Variants in PARVB observed in about 807,000 individuals in gnomAD.
PARVB encodes the protein beta-parvin.
PARVB carries 46 observed loss-of-function variants against 47.0 expected under a neutral mutation model. That is an observed-to-expected ratio of 0.98 (90% confidence interval 0.77 to 1.25). The LOEUF (loss-of-function observed/expected upper bound fraction) is 1.25. PARVB is among the 50% of genes most tolerant of loss of function. The pLI, the probability that PARVB is intolerant of heterozygous loss-of-function variation, is 0.00. For synonymous variants in PARVB, 196 were observed against 196.3 expected, an observed-to-expected ratio of 1.00 and a Z score of 0.01; for missense variants, 473 against 471.6, an observed-to-expected ratio of 1.00 and a Z score of -0.03.
intron 8 of PARVB, 157 bp downstream of exon 8, chr22:44,140,300 C>T: frequency 1.3e-6 from 1 of 776,920 alleles, no homozygotes. Context: ...CACAGCCCAC[C>T]CCCACCTTTC....
At chr22:44,031,822 C>G (rs563398393) in intron 1 of PARVB, among the ~76,000 whole-genome samples, 2 of 152,100 alleles carry the variant, frequency 1.3e-5, no homozygotes, top group Non-Finnish European at 2.9e-5. Context: ...TTAAGTGCTC[C>G]GTTGGATTGA....
chr22:44,156,184 T>G (rs1346259587), intron 10 of PARVB, among the ~76,000 whole-genome samples: 2 of 151,432 alleles, frequency 1.3e-5, no homozygotes, highest in Non-Finnish European at 2.9e-5. Context: ...TGTTGCCCAC[T>G]GGCACTAGCT....
Position 44,130,971 on chromosome 22 carries a change from C to T in PARVB, c.377-516C>T, listed in dbSNP as rs112124599. 1.5e-3 allele frequency among the ~76,000 whole-genome samples: 228 copies of T among 148,728 alleles called. 1 individual carries two copies. Among genetic ancestry groups the T allele is most frequent in the Middle Eastern group, 7.0e-3 (2 of 286 alleles). On this transcript the variant is annotated intron_variant, in intron 4 of 12. Coordinates refer to ENST00000338758, the MANE Select transcript of PARVB (RefSeq NM_013327.5). ...GGCCACATGGTAACCTGCCCCGCTT[C>T]GGGGACCTCCTTGAGGCTGGGGTCT... is the stretch of plus-strand genomic sequence containing the variant.
chr22:44,087,487 C>T (rs952313256), intron 1 of PARVB, among the ~76,000 whole-genome samples: 5 of 152,314 alleles, frequency 3.3e-5, no homozygotes, highest in African/African-American at 9.6e-5. Flanking sequence ...TGCCATCCCC[C>T]GTGTCCTGCC....
intron 11 of PARVB, among the ~76,000 whole-genome samples, chr22:44,158,701 G>T (rs1220955932): frequency 6.6e-6 from 1 of 152,322 alleles, no homozygotes; most frequent in East Asian, 1.9e-4. Flanking sequence ...GCCCTCGTGC[G>T]TGGGCCTCTC....
chr22:44,154,280 G>T (rs1447722356), intron 10 of PARVB, among the ~76,000 whole-genome samples: 6 of 152,186 alleles, frequency 3.9e-5, no homozygotes, highest in African/African-American at 1.4e-4. Flanking sequence ...AGAAAAGGTC[G>T]CTGGTTACAG....
intron 1 of PARVB, among the ~76,000 whole-genome samples, chr22:44,084,590 G>A (rs1203331828): frequency 1.3e-5 from 2 of 152,196 alleles, no homozygotes; most frequent in South Asian, 2.1e-4. Flanking sequence ...TTTCCGCTGC[G>A]TTCTTGGCAC....
At chr22:44,039,849 C>G (rs1272576693) in intron 1 of PARVB, 1 of 455,728 alleles carries the variant, frequency 2.2e-6, no homozygotes. Context: ...AGATCTCACT[C>G]TGATGCCCAG....
At position 44,155,878 on chromosome 22, in the gene PARVB, C is replaced by A. The variant is rs182583438; in HGVS notation, c.844-2104C>A. ...ACTGACAGCGTGTTGAATTTCCAGG[C>A]GCAGTGGCTCATGCCTGCAATCCTA... On this transcript the variant is annotated intron_variant, in intron 10 of 12. Coordinates refer to ENST00000338758, the MANE Select transcript of PARVB (RefSeq NM_013327.5). The surrounding 1 kb of genome is among the most constrained non-coding windows in gnomAD (Gnocchi z 4.8). Among the ~76,000 whole-genome samples, 1 of 152,238 alleles carries A rather than the reference C, an allele frequency of 6.6e-6. No individual in the cohort carries two copies. The highest frequency in any genetic ancestry group is 1.5e-5 in the Non-Finnish European group (1 of 68,026).
chr22:44,012,912 T>G (rs1458357566), intron 2 of PARVB, among the ~76,000 whole-genome samples: 1 of 152,100 alleles, frequency 6.6e-6, no homozygotes, highest in Non-Finnish European at 1.5e-5. Flanking sequence ...TTTTTTAACT[T>G]TTTTGAGACA....
At chr22:44,037,705 A>G (rs1328428942) in intron 1 of PARVB, among the ~76,000 whole-genome samples, 1 of 152,250 alleles carries the variant, frequency 6.6e-6, no homozygotes, top group Non-Finnish European at 1.5e-5. Context: ...TTAAACTGGA[A>G]GAATGATTCA....
chr22:44,026,889 G>T (rs1314607492), intron 1 of PARVB, among the ~76,000 whole-genome samples: 3 of 152,156 alleles, frequency 2.0e-5, no homozygotes, highest in Non-Finnish European at 2.9e-5. Flanking sequence ...TCAGGCAGGG[G>T]TGTGACAAGG....
At chr22:44,059,852 TGGCG>T (rs1378748087) in intron 1 of PARVB, among the ~76,000 whole-genome samples, 1 of 152,208 alleles carries the variant, frequency 6.6e-6, no homozygotes, top group African/African-American at 2.4e-5. Flanking sequence ...TCGTCGTCTT[TGGCG>T]GGGCGTGTTT....
rs1051119892 is a variant in PARVB, at chr22:44,068,283, G to A, written c.113-25645G>A. ...ACAGCAGCACATGAGGCTGGTCATT[G>A]TTAATAACCCCTTTTTACCGACGAG... On this transcript the variant is annotated intron_variant, in intron 1 of 12. Transcript: ENST00000338758. This position sits in a 1 kb window ranked among gnomAD's most constrained non-coding sequence, Gnocchi z 4.1. 8.5e-5 allele frequency among the ~76,000 whole-genome samples: 13 copies of A among 152,170 alleles called. No individual in the cohort carries two copies. Among genetic ancestry groups the A allele is most frequent in the Admixed American group, 7.2e-4 (11 of 15,278 alleles).
At chr22:44,003,255 A>G (rs1053822357) in intron 2 of PARVB, among the ~76,000 whole-genome samples, 14 of 152,228 alleles carry the variant, frequency 9.2e-5, no homozygotes, top group African/African-American at 3.1e-4. Context: ...AGACCCAAAT[A>G]CAATTGCTTT....
chr22:44,053,019 C>G (rs1030820723), intron 1 of PARVB, among the ~76,000 whole-genome samples: 6 of 151,994 alleles, frequency 3.9e-5, no homozygotes, highest in African/African-American at 1.4e-4. Context: ...CTGCAGTTTG[C>G]CAATCTATGG....
Position 43,999,629 on chromosome 22 carries a change from C to A in PARVB, c.167C>A (p.Ser56Ter), listed in dbSNP as rs2050390828. The stretch of plus-strand genomic sequence containing the variant: ...CTGGCTGGTTCACTTCTCCCTGGCT[C>A]AGACAGATCAGGAGTGGAAACATCT... The change falls in exon 2 of 14, where the codon TCA becomes TAA. Residue 56 changes from serine (S) to a stop codon, truncating the protein, a stop_gained. Coordinates refer to the PARVB transcript ENST00000406477. LOFTEE classifies it high-confidence loss of function. 6.2e-7 allele frequency: 1 copy of A among 1,613,748 alleles called. No homozygotes were observed. The highest frequency in any genetic ancestry group is 1.3e-5 in the African/African-American group (1 of 74,874).
chr22:44,121,347 G>A (rs750949709), intron 4 of PARVB, among the ~76,000 whole-genome samples: 1 of 152,074 alleles, frequency 6.6e-6, no homozygotes, highest in African/African-American at 2.4e-5. Flanking sequence ...CAGACTCTGG[G>A]ACTTTGTGAA....
chr22:44,025,976 C>T (rs545746634), intron 1 of PARVB, among the ~76,000 whole-genome samples: 1 of 152,268 alleles, frequency 6.6e-6, no homozygotes, highest in Non-Finnish European at 1.5e-5. Flanking sequence ...TGACGTGCCC[C>T]GGAGCACATA....
Sources: allele counts gnomAD v4.1 joint callset (sites outside exome capture counted in the v4.1 genomes callset), GRCh38; gene constraint gnomAD v4.1.1; non-coding constraint Gnocchi (gnomAD v3.1); transcripts MANE v1.5; gene names NCBI Gene and HGNC (gene_info 2026-07-23, HGNC 2026-07-21).